NUP214: variants seen among roughly 807,000 people sequenced by gnomAD.
NUP214 encodes nuclear pore complex protein Nup214.
In NUP214, 79 loss-of-function variants were observed where a neutral mutation model predicts 196.2. The ratio of observed to expected loss-of-function variants is 0.40; its 90% CI spans 0.34 to 0.49. The LOEUF is 0.49. Ranked by LOEUF, NUP214 falls within the 20% of genes least tolerant of loss-of-function variation. The pLI is 0.58. For missense variants in NUP214, 2,468 were observed against 2,539.0 expected (o/e 0.97, Z 0.60); for synonymous variants, 1,020 against 990.5 (o/e 1.03, Z -0.56).
chr9:131,146,803 G>A lies in NUP214; in HGVS notation c.1945+499G>A, dbSNP rs1285601833. Among the ~76,000 whole-genome samples, 1 of 151,984 alleles carries A rather than the reference G, an allele frequency of 6.6e-6. No individual in the cohort carries two copies. Among genetic ancestry groups the A allele is most frequent in the Non-Finnish European group, 1.5e-5 (1 of 67,982 alleles). ...AAATTAGCCAGGTGTGGTGGTGGGT[G>A]CCTGTAATCCCAGCTACTCAGGAGG... On this transcript the variant is annotated intron_variant, in intron 13 of 35. Transcript: ENST00000359428. This position sits in a 1 kb window ranked among gnomAD's most constrained non-coding sequence, Gnocchi z 4.6.
In NUP214 at chr9:131,222,849, C is replaced by A; in HGVS notation, c.5821C>A (p.Gln1941Lys). The A allele has an allele frequency of 6.2e-7, 1 of 1,614,228 alleles. No individual in the cohort carries two copies. Among genetic ancestry groups the A allele is most frequent in the Non-Finnish European group, 8.5e-7 (1 of 1,180,056 alleles). The change falls in exon 32 of 36, where the codon CAG (glutamine) becomes AAG (lysine). Residue 1941 changes from glutamine (Q) to lysine (K), a missense_variant. Physicochemically the swap from Gln to Lys is moderately conservative, Grantham distance 53 (BLOSUM62 1). Coordinates refer to ENST00000359428, the MANE Select transcript of NUP214 (RefSeq NM_005085.4). ...ATTTGCCAGCTCGTCGTTTGGAGAG[C>A]AGAAACCCACTGGCACTTTCAGCTC... The part of the protein sequence containing the change: ...GGFASSSFGE[Q>K]KPTGTFSSGG...
chr9:131,140,839 A>G, intron 11 of NUP214, 129 bp downstream of exon 11: 1 of 854,336 alleles, frequency 1.2e-6, no homozygotes, highest in African/African-American at 1.7e-5. Context: ...TTAGGAAGGC[A>G]CACACTAATC....
At chr9:131,133,305 T>TG in intron 7 of NUP214, 96 bp downstream of exon 7, 1 of 140,464 alleles carries the variant, frequency 7.1e-6, no homozygotes, top group South Asian at 1.8e-4. Context: ...TGTGTTTGTG[T>TG]TTTTTTTTTT....
chr9:131,170,913 T>G (rs1196212248), intron 21 of NUP214, among the ~76,000 whole-genome samples: 2 of 152,166 alleles, frequency 1.3e-5, no homozygotes, highest in Non-Finnish European at 2.9e-5. Flanking sequence ...TTTCTATAGT[T>G]CATCCTAAGA....
At chr9:131,136,919 C>T (rs937786343) in intron 9 of NUP214, 3 of 152,206 alleles carry the variant, frequency 2.0e-5, no homozygotes, top group Non-Finnish European at 2.9e-5. Context: ...GAAGCAAGTG[C>T]TTCTCCTCCC....
chr9:131,169,030 T>G (rs1231715465), intron 21 of NUP214, among the ~76,000 whole-genome samples: 1 of 53,430 alleles, frequency 1.9e-5, no homozygotes, highest in Admixed American at 3.4e-4. Flanking sequence ...CTTTGTTTTT[T>G]TTTGTTTTTT....
At chr9:131,218,043 C>G (rs1179188010) in intron 31 of NUP214, among the ~76,000 whole-genome samples, 1 of 152,230 alleles carries the variant, frequency 6.6e-6, no homozygotes, top group Non-Finnish European at 1.5e-5. Context: ...TCTTCTAATT[C>G]TGGTTTAAAG....
At chr9:131,196,027 C>CGTCCCCGT (rs1265684954) in intron 28 of NUP214, among the ~76,000 whole-genome samples, 1 of 24,294 alleles carries the variant, frequency 4.1e-5, no homozygotes, top group Non-Finnish European at 2.1e-4. Flanking sequence ...TCTGTGTGTC[C>CGTCCCCGT]CCCCCCCCCC....
chr9:131,134,176 C>A (rs1231413157), intron 7 of NUP214, among the ~76,000 whole-genome samples: 2 of 152,172 alleles, frequency 1.3e-5, no homozygotes, highest in African/African-American at 4.8e-5. Flanking sequence ...GGACTCCTGG[C>A]TTTAAGCAGT....
intron 32 of NUP214, among the ~76,000 whole-genome samples, chr9:131,225,597 C>G (rs1198148425): frequency 6.6e-6 from 1 of 152,124 alleles, no homozygotes; most frequent in Non-Finnish European, 1.5e-5. Flanking sequence ...CCATAAACAT[C>G]AAAGTGAGGG....
intron 23 of NUP214, among the ~76,000 whole-genome samples, chr9:131,177,274 G>A (rs57303450): frequency 1.9e-4 from 29 of 152,210 alleles, no homozygotes; most frequent in African/African-American, 6.7e-4. Context: ...AACTTTTGAG[G>A]TACCTTTGGG....
chr9:131,202,808 T>A (rs189396165), intron 30 of NUP214, among the ~76,000 whole-genome samples: 2 of 152,112 alleles, frequency 1.3e-5, no homozygotes, highest in African/African-American at 4.8e-5. Context: ...AACATATATA[T>A]CCCCTCTGCT....
In NUP214 at chr9:131,161,317, G is replaced by A. The variant is rs1383277598; in HGVS notation, c.2541-1674G>A. On this transcript the variant is annotated intron_variant, in intron 18 of 35. Coordinates refer to ENST00000359428, the MANE Select transcript of NUP214 (RefSeq NM_005085.4). The stretch of plus-strand genomic sequence containing the variant: ...GTGTCACCCATATTGGAGTGCAGTG[G>A]CGCGATCTCGGCTCACTGCAACCTC... Among the ~76,000 whole-genome samples the A allele has an allele frequency of 6.0e-5, 9 of 150,972 alleles. 1 individual carries two copies. Among genetic ancestry groups the A allele is most frequent in the Non-Finnish European group, 1.3e-4 (9 of 67,912 alleles).
At chr9:131,135,112 C>A in intron 8 of NUP214, 108 bp downstream of exon 8, 1 of 795,066 alleles carries the variant, frequency 1.3e-6, no homozygotes, top group Non-Finnish European at 2.1e-6. Flanking sequence ...GATGGATTGG[C>A]AGGGTCTCAC....
intron 11 of NUP214, among the ~76,000 whole-genome samples, chr9:131,141,138 CAAAA>C (rs5900924): frequency 7.5e-6 from 1 of 132,626 alleles, no homozygotes; most frequent in Admixed American, 7.6e-5. Flanking sequence ...AATACATCAC[CAAAA>C]AAAAAAAAAC....
At chr9:131,219,327 G>C (rs1834492326) in intron 31 of NUP214, among the ~76,000 whole-genome samples, 1 of 152,186 alleles carries the variant, frequency 6.6e-6, no homozygotes, top group Non-Finnish European at 1.5e-5. Flanking sequence ...ACGTCTCCCA[G>C]GTACGCCTTT....
intron 17 of NUP214, 73 bp downstream of exon 17, chr9:131,151,967 A>T (rs1832282563): frequency 8.0e-7 from 1 of 1,245,056 alleles, no homozygotes; most frequent in Non-Finnish European, 1.1e-6. Context: ...CTCTTTTTGC[A>T]TATAGATTTG....
rs562896407 is a variant in NUP214, at chr9:131,135,194, A to G, written c.938+190A>G. 13 of 522,246 alleles carry G rather than the reference A, an allele frequency of 2.5e-5. No homozygotes were observed. In the South Asian group the frequency reaches 3.8e-4, roughly 15 times the overall value. The allele number at this position is 522,246 out of a possible 1,614,324, so 32.4% of individuals were successfully genotyped here. A position where few individuals can be genotyped will look rare whatever the true frequency, so the allele number is the denominator to read the frequency against. ...AGCCTGGAACTCCCAGGCTCAAGTG[A>G]TCCTTCCACCTCAGCCTCCCAGATG... is the stretch of plus-strand genomic sequence containing the variant. On this transcript the variant is annotated intron_variant, in intron 8 of 35. Coordinates refer to ENST00000359428, the MANE Select transcript of NUP214 (RefSeq NM_005085.4).
chr9:131,140,614 C>G lies in NUP214; in HGVS notation c.1198C>G (p.Pro400Ala), dbSNP rs759715219. ...MLLSTDGVLC[P>A]FYMINQNPGV... ...ACTTTCAACAGATGGTGTGCTTTGT[C>G]CATTTTATATGATTAATCAAAATCC... The change falls in exon 11 of 36, where the codon CCA becomes GCA. Residue 400 changes from proline (P) to alanine (A), a missense_variant. Pro to Ala is a conservative substitution (Grantham distance 27). Around this residue, in one of 5 missense-constraint regions of NUP214, gnomAD observed 1,801 missense variants for 1,779.4 expected, o/e 1.01. Transcript: ENST00000359428. 6.2e-7 allele frequency: 1 copy of G among 1,613,866 alleles called. No homozygotes were observed. The highest frequency in any genetic ancestry group is 1.1e-5 in the South Asian group (1 of 91,066).
Sources: gnomAD v4.1 joint callset for allele counts (sites outside exome capture counted in the v4.1 genomes callset) on GRCh38, gnomAD v4.1.1 for gene constraint, gnomAD v4.1.1 regional missense constraint, Gnocchi (gnomAD v3.1) non-coding constraint, MANE v1.5 for transcripts, NCBI Gene and HGNC (gene_info 2026-07-23, HGNC 2026-07-21) for gene names.